Variants in MATCAP2 observed in about 807,000 individuals in gnomAD.
The protein encoded by MATCAP2 is microtubule associated tyrosine carboxypeptidase 2.
the MATCAP2 span, among the ~76,000 whole-genome samples, chr7:36,328,601 G>A: frequency 6.6e-6 from 1 of 151,910 alleles, no homozygotes; most frequent in Non-Finnish European, 1.5e-5. Context: ...AAAATTAGCT[G>A]GGTGTGGTGG....
At chr7:36,357,450 T>C in the MATCAP2 span, 1 of 1,614,152 alleles carries the variant, frequency 6.2e-7, no homozygotes, top group East Asian at 2.2e-5. Flanking sequence ...ACATTGTAAC[T>C]ACTGGTTCCA....
the MATCAP2 span, chr7:36,355,184 T>C: frequency 6.6e-6 from 1 of 152,272 alleles, no homozygotes; most frequent in East Asian, 1.9e-4. Context: ...GGCTGCCAAA[T>C]AGAAATAAAA....
chr7:36,366,563 T>C, the MATCAP2 span: 2 of 974,306 alleles, frequency 2.1e-6, no homozygotes, highest in Admixed American at 5.7e-5. Context: ...TTTCTGAACA[T>C]TCTAGAAAAT....
the MATCAP2 span, among the ~76,000 whole-genome samples, chr7:36,371,580 G>GA: frequency 1.3e-5 from 2 of 151,696 alleles, no homozygotes; most frequent in African/African-American, 2.4e-5. Context: ...TTTCTTTTTT[G>GA]AAAAAAAGAT....
the MATCAP2 span, among the ~76,000 whole-genome samples, chr7:36,370,543 G>A: frequency 2.6e-5 from 4 of 152,104 alleles, no homozygotes; most frequent in Non-Finnish European, 4.4e-5. Flanking sequence ...GTACAGTGGC[G>A]CAATCTTGGC....
At chr7:36,328,240 AGG>A in the MATCAP2 span, among the ~76,000 whole-genome samples, 73 of 70,270 alleles carry the variant, frequency 1.0e-3, 4 homozygotes, top group Admixed American at 1.4e-3. Flanking sequence ...TTGTTTTTGT[AGG>A]GGGGGGGGGT....
the MATCAP2 span, chr7:36,326,735 G>T: frequency 1.9e-6 from 3 of 1,597,796 alleles, no homozygotes; most frequent in Admixed American, 5.2e-5. Context: ...GCATAGCTTA[G>T]CTATGTTTGC....
chr7:36,354,645 C>T, the MATCAP2 span, among the ~76,000 whole-genome samples: 15 of 152,316 alleles, frequency 9.8e-5, no homozygotes, highest in African/African-American at 3.1e-4. Context: ...ATTATTCACT[C>T]GGTAGCTGAA....
chr7:36,334,823 T>C, the MATCAP2 span, among the ~76,000 whole-genome samples: 1 of 152,280 alleles, frequency 6.6e-6, no homozygotes, highest in South Asian at 2.1e-4. Context: ...TAAATGACTT[T>C]CCAGGTTCAA....
At chr7:36,361,565 A>AG in the MATCAP2 span, among the ~76,000 whole-genome samples, 2 of 152,348 alleles carry the variant, frequency 1.3e-5, no homozygotes, top group African/African-American at 4.8e-5. Context: ...AAACAAGATA[A>AG]ACTTTAATTT....
At chr7:36,332,135 G>T in the MATCAP2 span, among the ~76,000 whole-genome samples, 5 of 151,868 alleles carry the variant, frequency 3.3e-5, no homozygotes, top group African/African-American at 4.8e-5. Flanking sequence ...AAACACAGAA[G>T]TATGTGAAAA....
chr7:36,366,629 G>A, the MATCAP2 span: 1 of 1,489,440 alleles, frequency 6.7e-7, no homozygotes, highest in Middle Eastern at 1.7e-4. Context: ...ACAATCTTTG[G>A]ATTGTACCTT....
At chr7:36,390,301 A>C in the MATCAP2 span, 1 of 549,624 alleles carries the variant, frequency 1.8e-6, no homozygotes, top group Non-Finnish European at 3.2e-6. Context: ...CTGTTGCGAG[A>C]GGTCTTTCAG....
the MATCAP2 span, chr7:36,389,977 C>T: frequency 6.2e-7 from 1 of 1,614,080 alleles, no homozygotes; most frequent in Non-Finnish European, 8.5e-7. Flanking sequence ...TTTTCTCTTC[C>T]TGAATTTGAA....
chr7:36,366,797 G>A, the MATCAP2 span: 2 of 1,533,276 alleles, frequency 1.3e-6, no homozygotes, highest in South Asian at 1.2e-5. Context: ...AGGGGTCGGG[G>A]CGCAGGGTGG....
the MATCAP2 span, among the ~76,000 whole-genome samples, chr7:36,334,421 G>C: frequency 6.6e-6 from 1 of 150,562 alleles, no homozygotes; most frequent in Admixed American, 6.7e-5. Context: ...TGGGGTCCCA[G>C]CTACTCAGGA....
At chr7:36,386,206 A>G in the MATCAP2 span, among the ~76,000 whole-genome samples, 1 of 152,182 alleles carries the variant, frequency 6.6e-6, no homozygotes, top group South Asian at 2.1e-4. Flanking sequence ...ATTACAGGTC[A>G]ATGAGAGAAA....
chr7:36,353,417 T>A, the MATCAP2 span, among the ~76,000 whole-genome samples: 1 of 152,268 alleles, frequency 6.6e-6, no homozygotes. Context: ...AACTTTCTGT[T>A]TTTCACCTTG....
At chr7:36,336,143 G>T in the MATCAP2 span, 88 of 1,512,288 alleles carry the variant, frequency 5.8e-5, no homozygotes, top group Non-Finnish European at 7.4e-5. Flanking sequence ...GTGTTCACTC[G>T]CAGTTCATAC....
Sources: gnomAD v4.1 joint callset for allele counts (sites outside exome capture counted in the v4.1 genomes callset) on GRCh38, gnomAD v4.1.1 for gene constraint, MANE v1.5 for transcripts, NCBI Gene and HGNC (gene_info 2026-07-23, HGNC 2026-07-21) for gene names.